The following PRC1 variants were observed in gnomAD, a reference collection of about 807,000 sequenced individuals.
The protein encoded by PRC1 is anaphase spindle elongation 1 homolog.
PRC1 carries 54 observed loss-of-function variants against 91.2 expected under a neutral mutation model. That is an observed-to-expected ratio of 0.59 (90% CI 0.48 to 0.74). The LOEUF (loss-of-function observed/expected upper bound fraction) is 0.74, where lower values mean the gene tolerates loss of function less well. Among genes scored for constraint, PRC1 ranks in the 30% least tolerant of loss-of-function variants. The probability of loss-of-function intolerance (pLI) is 0.00; values close to 1 mark genes in which losing one functional copy is unlikely to be tolerated. For synonymous variants in PRC1, 275 were observed against 263.6 expected (o/e 1.04, Z -0.42); for missense variants, 727 against 746.2 (o/e 0.97, Z 0.30).
intron 3 of PRC1, 133 bp downstream of exon 3, chr15:90,983,885 C>T (rs1429324863): frequency 5.7e-6 from 7 of 1,234,548 alleles, no homozygotes; most frequent in Admixed American, 2.3e-5. Context: ...AACTACACAG[C>T]ATGTTTTCCC....
In PRC1 at chr15:90,994,367, G is replaced by A. The variant is rs758067123; in HGVS notation, c.11+40C>T. ...AGGCCCCGCAGCCGAAACGAGCGTC[G>A]CTCCCTCCCGCGTCCCCTCGATTTC... On this transcript the variant is annotated intron_variant, in intron 1 of 14. Coordinates refer to ENST00000394249, the MANE Select transcript of PRC1 (RefSeq NM_003981.4). 3.1e-6 allele frequency: 5 copies of A among 1,611,350 alleles called. No individual in the cohort carries two copies. In the African/African-American group the frequency reaches 4.0e-5, roughly 13 times the overall value.
chr15:90,974,616 C>A lies in PRC1; in HGVS notation c.1319G>T (p.Arg440Leu). ...EYVAEQWEMH[R>L]LEKERAKQER... The stretch of plus-strand genomic sequence containing the variant: ...CTGCTTGGCTCTCTCTTTCTCCAAT[C>A]GATGCATCTCCCATTGTTCTGCCAC... Residue 440 changes from arginine to leucine, a missense_variant, in exon 10 of 15, where the codon CGA becomes CTA. By Grantham distance (102) the Arg-to-Leu change is moderately radical. Coordinates refer to ENST00000394249, the MANE Select transcript of PRC1 (RefSeq NM_003981.4). The surrounding 1 kb of genome is among the most constrained non-coding windows in gnomAD (Gnocchi z 4.6). 1.9e-6 allele frequency: 3 copies of A among 1,614,188 alleles called. No individual in the cohort carries two copies. In the South Asian group the frequency reaches 3.3e-5, roughly 18 times the overall value.
At chr15:90,977,618 C>T (rs2038844024) in intron 8 of PRC1, among the ~76,000 whole-genome samples, 1 of 126,604 alleles carries the variant, frequency 7.9e-6, no homozygotes, top group Non-Finnish European at 1.6e-5. Context: ...GAGTCTCGCT[C>T]TGTCGCCCAG....
rs2039417666 is a variant in PRC1, at chr15:90,984,217, A to C, written c.145-77T>G. 1.9e-6 allele frequency: 3 copies of C among 1,542,398 alleles called. No homozygotes were observed. Among genetic ancestry groups the C allele is most frequent in the African/African-American group, 2.8e-5 (2 of 72,008 alleles). On this transcript the variant is annotated intron_variant, in intron 2 of 14. Transcript: ENST00000394249. This position sits in a 1 kb window ranked among gnomAD's most constrained non-coding sequence, Gnocchi z 5.1. ...CCCAACACCAATACCAAACTCCTCA[A>C]ATTTCTTTTTTCTTTTTCTTTTTTT...
chr15:90,980,534 T>TGA, intron 6 of PRC1, 145 bp from the exon 7 acceptor site: 2 of 852,266 alleles, frequency 2.3e-6, no homozygotes, highest in Non-Finnish European at 3.2e-6. Flanking sequence ...TTTTTTTTTT[T>TGA]TTGAGACAGG....
At chr15:90,987,539 ATCTTT>A (rs1465729423) in intron 1 of PRC1, 4 of 152,226 alleles carry the variant, frequency 2.6e-5, no homozygotes, top group Non-Finnish European at 5.9e-5. Flanking sequence ...TCTGTATCTT[ATCTTT>A]TAAGAACAGC....
rs1222495033 is a variant in PRC1 at position 90,966,741 on chromosome 15, ATTACTAG to A, written c.*383_*389del. ...ACATGCCTAAACAAAAAAGATGTTA[ATTACTAG>A]TTACAGGTATACATGCCAAAATTAC... On this transcript the variant is annotated 3_prime_UTR_variant, in exon 15 of 15. Coordinates refer to ENST00000394249, the MANE Select transcript of PRC1 (RefSeq NM_003981.4). 12 of 445,472 alleles carry A rather than the reference ATTACTAG, an allele frequency of 2.7e-5. No individual in the cohort carries two copies. The highest frequency in any genetic ancestry group is 5.4e-5 in the Non-Finnish European group (12 of 220,842). The allele number at this position is 445,472 out of a possible 1,614,324, so 27.6% of individuals were successfully genotyped here.
chr15:90,983,984 C>A (rs141623613), intron 3 of PRC1, 34 bp downstream of exon 3: 1 of 1,610,580 alleles, frequency 6.2e-7, no homozygotes, highest in Non-Finnish European at 8.5e-7. Flanking sequence ...AGGCCCCAGA[C>A]AGATCACCAG....
Position 90,984,833 on chromosome 15 carries a change from C to G in PRC1, c.12-8G>C, listed in dbSNP as rs776663951. ...TCCTCCGCCAGCACCTCACTGAAAA[C>G]CAAAAACTAAGGCCTGTTAGTTACA... On this transcript the variant is annotated splice_polypyrimidine_tract_variant and splice_region_variant and intron_variant, in intron 1 of 14. Transcript: ENST00000394249. This position sits in a 1 kb window ranked among gnomAD's most constrained non-coding sequence, Gnocchi z 5.1. 2.5e-6 allele frequency: 4 copies of G among 1,613,350 alleles called. No homozygotes were observed. The highest frequency in any genetic ancestry group is 3.4e-6 in the Non-Finnish European group (4 of 1,179,788).
chr15:90,986,893 GA>G (rs56935179), intron 1 of PRC1, among the ~76,000 whole-genome samples: 8 of 145,046 alleles, frequency 5.5e-5, no homozygotes, highest in African/African-American at 7.5e-5. Context: ...GAAGAGGAAG[GA>G]AAAAAAAAAC....
chr15:90,994,247 C>G (rs1329842286), intron 1 of PRC1, among the ~76,000 whole-genome samples, 160 bp downstream of exon 1: 1 of 152,166 alleles, frequency 6.6e-6, no homozygotes, highest in African/African-American at 2.4e-5. Context: ...CTCGCCGCCT[C>G]CAGACCCTGC....
Position 90,984,793 on chromosome 15 carries a change from A to G in PRC1, c.44T>C (p.Leu15Pro). ...CCGAAGGTGATTTAGGGCTTTCTGCAGACATACTATGGACTCCTCCGCCAG... is the reference window on the plus strand; with the variant it reads ...CCGAAGGTGATTTAGGGCTTTCTGCGGACATACTATGGACTCCTCCGCCAG... ...EVLAEESIVC[L>P]QKALNHLREI... Residue 15 changes from leucine (L) to proline (P), a missense_variant, in exon 2 of 15, where the codon CTG (leucine) becomes CCG (proline). By Grantham distance (98) the Leu-to-Pro change is moderately conservative. Transcript: ENST00000394249. The surrounding 1 kb of genome is among the most constrained non-coding windows in gnomAD (Gnocchi z 5.1). The G allele has an allele frequency of 6.2e-7, 1 of 1,614,228 alleles. No individual in the cohort carries two copies. The highest frequency in any genetic ancestry group is 2.2e-5 in the East Asian group (1 of 44,888).
intron 14 of PRC1, 40 bp downstream of exon 14, chr15:90,969,039 T>C: frequency 6.2e-7 from 1 of 1,613,818 alleles, no homozygotes; most frequent in Non-Finnish European, 8.5e-7. Context: ...AGATGACAGA[T>C]CAGTTTGGAA....
chr15:90,977,432 T>C (rs760367779), intron 8 of PRC1: 4 of 152,240 alleles, frequency 2.6e-5, no homozygotes, highest in African/African-American at 4.8e-5. Context: ...GAAGATATTC[T>C]AGAAAATTAA....
rs2039474423 is a variant in PRC1, at chr15:90,984,936, A to AT, written c.12-112_12-111insA. On this transcript the variant is annotated intron_variant, in intron 1 of 14. Transcript: ENST00000394249. The surrounding 1 kb of genome is among the most constrained non-coding windows in gnomAD (Gnocchi z 5.1). Reference sequence around the variant, plus strand: ...GCTTCTCAGTGGCCTCGAGAAAAAAACAAATTGAAAACAAGCATTCAGCTT... The same window carrying AT: ...GCTTCTCAGTGGCCTCGAGAAAAAAATCAAATTGAAAACAAGCATTCAGCTT... 2.2e-6 allele frequency: 3 copies of AT among 1,370,488 alleles called. No homozygotes were observed. Among genetic ancestry groups the AT allele is most frequent in the African/African-American group, 2.9e-5 (2 of 68,658 alleles). The allele number at this position is 1,370,488 out of a possible 1,614,324, so 84.9% of individuals were successfully genotyped here. A position where few individuals can be genotyped will look rare whatever the true frequency, so the allele number is the denominator to read the frequency against.
At chr15:90,975,588 T>A (rs2038610816) in intron 9 of PRC1, among the ~76,000 whole-genome samples, 1 of 152,198 alleles carries the variant, frequency 6.6e-6, no homozygotes, top group African/African-American at 2.4e-5. Context: ...TCAAAAGCTT[T>A]CCTCATGTAA....
rs963710286 is a variant in PRC1 at position 90,969,082 on chromosome 15, A to G, written c.1788T>C (p.Leu596=). 10 of 1,614,016 alleles carry G rather than the reference A, an allele frequency of 6.2e-6. No homozygotes were observed. Among genetic ancestry groups the G allele is most frequent in the Admixed American group, 1.7e-5 (1 of 59,990 alleles). ...ATGCAGGGATTGCCATACAGACCTG[A>G]AGCCCAACAGTGGAACTGTCAGAGA... is the stretch of plus-strand genomic sequence containing the variant. ...PSLSDSSTVG[L]QRELSKASKS... The change falls in exon 14 of 15, where the codon CTT becomes CTC. Residue 596 remains leucine, a synonymous_variant. Transcript: ENST00000394249.
At chr15:90,972,738 C>CAA (rs58183366) in intron 11 of PRC1, 42 of 138,598 alleles carry the variant, frequency 3.0e-4, no homozygotes, top group African/African-American at 8.8e-4. Context: ...AACTCCATCT[C>CAA]AAAAAAAAAA....
At chr15:90,980,516 T>C (rs1436160865) in intron 6 of PRC1, 127 bp from the exon 7 acceptor site, 1 of 529,188 alleles carries the variant, frequency 1.9e-6, no homozygotes, top group Non-Finnish European at 2.4e-6. Context: ...TCAACACTTT[T>C]TTTTTTTTTT....
Sources: allele counts gnomAD v4.1 joint callset (sites outside exome capture counted in the v4.1 genomes callset), GRCh38; gene constraint gnomAD v4.1.1; non-coding constraint Gnocchi (gnomAD v3.1); transcripts MANE v1.5; gene names NCBI Gene and HGNC (gene_info 2026-07-23, HGNC 2026-07-21).